CPEB4: variants seen among roughly 807,000 people sequenced by gnomAD.
CPEB4 encodes the protein cytoplasmic polyadenylation element binding protein 4, also known as cytoplasmic polyadenylation element-binding protein 4.
A neutral mutation model predicts 72.5 loss-of-function variants in CPEB4; 12 were observed. The observed-to-expected ratio is 0.17, with a 90% CI of 0.11 to 0.27. The LOEUF is 0.27. CPEB4 is among the 10% of genes least tolerant of loss of function. The pLI is 1.00. For missense variants in CPEB4, 614 were observed against 908.5 expected (o/e 0.68, Z 4.17); for synonymous variants, 302 against 326.3 (o/e 0.93, Z 0.80).
intron 1 of CPEB4, among the ~76,000 whole-genome samples, chr5:173,894,101 C>T (rs889893645): frequency 6.6e-6 from 1 of 152,096 alleles, no homozygotes; most frequent in Non-Finnish European, 1.5e-5. Flanking sequence ...TCAAGAGATC[C>T]TCCTGCCTCA....
chr5:173,958,840 GTGTT>G lies in CPEB4; in HGVS notation c.*2706_*2709del, dbSNP rs1561637007. 6.6e-6 allele frequency: 1 copy of G among 152,640 alleles called. No homozygotes were observed. Among genetic ancestry groups the G allele is most frequent in the Non-Finnish European group, 1.5e-5 (1 of 68,002 alleles). The allele number at this position is 152,640 out of a possible 1,614,324, so 9.5% of individuals were successfully genotyped here. A position where few individuals can be genotyped will look rare whatever the true frequency, so the allele number is the denominator to read the frequency against. ...TTTAATATTAATAAATTGATGTTAAGTGTTTGATTCAGAGATGTCTGCTCTTTTA... is the reference window on the plus strand; with the variant it reads ...TTTAATATTAATAAATTGATGTTAAGTGATTCAGAGATGTCTGCTCTTTTA... On this transcript the variant is annotated 3_prime_UTR_variant, in exon 10 of 10. Coordinates refer to ENST00000265085, the MANE Select transcript of CPEB4 (RefSeq NM_030627.4).
intron 2 of CPEB4, among the ~76,000 whole-genome samples, chr5:173,928,693 G>C (rs1344023884): frequency 6.6e-6 from 1 of 152,052 alleles, no homozygotes; most frequent in Non-Finnish European, 1.5e-5. Context: ...TATTAGAACA[G>C]AAATAAAGGA....
At chr5:173,941,198 C>G (rs906415301) in intron 3 of CPEB4, among the ~76,000 whole-genome samples, 2 of 152,174 alleles carry the variant, frequency 1.3e-5, no homozygotes, top group African/African-American at 4.8e-5. Flanking sequence ...TCCCCAGACT[C>G]CCTAATCTTT....
chr5:173,908,725 T>G (rs771467692), intron 1 of CPEB4, among the ~76,000 whole-genome samples: 10 of 152,178 alleles, frequency 6.6e-5, no homozygotes, highest in Non-Finnish European at 1.5e-4. Context: ...CTCTGTCAGC[T>G]TAGATGTTCT....
At chr5:173,920,607 A>G (rs1278777253) in intron 2 of CPEB4, among the ~76,000 whole-genome samples, 4 of 152,236 alleles carry the variant, frequency 2.6e-5, no homozygotes, top group African/African-American at 9.6e-5. Context: ...GGCCACTAGT[A>G]GTGCCTTAGA....
Position 173,959,130 on chromosome 5 carries a change from G to A in CPEB4, c.*2993G>A, listed in dbSNP as rs1252908834. 1 of 148,774 alleles carries A rather than the reference G, an allele frequency of 6.7e-6. No homozygotes were observed. Among genetic ancestry groups the A allele is most frequent in the Admixed American group, 6.7e-5 (1 of 14,946 alleles). The allele number at this position is 148,774 out of a possible 1,614,324, so 9.2% of individuals were successfully genotyped here. A position where few individuals can be genotyped will look rare whatever the true frequency, so the allele number is the denominator to read the frequency against. ...CATGTAACTCAAACATAATTAACAT[G>A]TAATTAGTTTACAGATTGTAGGGCA... On this transcript the variant is annotated 3_prime_UTR_variant, in exon 10 of 10. Transcript: ENST00000265085.
chr5:173,957,575 A>G lies in CPEB4; in HGVS notation c.*1438A>G, dbSNP rs1758419134. 6.5e-6 allele frequency: 1 copy of G among 152,802 alleles called. No homozygotes were observed. The allele number at this position is 152,802 out of a possible 1,614,324, so 9.5% of individuals were successfully genotyped here. A position where few individuals can be genotyped will look rare whatever the true frequency, so the allele number is the denominator to read the frequency against. Reference sequence around the variant, plus strand: ...AGTATGCTTCAGGGGTAAATTTAAAATAGTCTCTTGAAGCCCTAGTCATGG... The same window carrying G: ...AGTATGCTTCAGGGGTAAATTTAAAGTAGTCTCTTGAAGCCCTAGTCATGG... On this transcript the variant is annotated 3_prime_UTR_variant, in exon 10 of 10. Transcript: ENST00000265085.
chr5:173,905,765 T>A (rs956295404), intron 1 of CPEB4, among the ~76,000 whole-genome samples: 1 of 152,236 alleles, frequency 6.6e-6, no homozygotes, highest in Admixed American at 6.5e-5. Context: ...TATTTTTGGT[T>A]CCTGCCATAA....
chr5:173,911,255 T>C (rs1003042625), intron 2 of CPEB4, among the ~76,000 whole-genome samples: 2 of 151,328 alleles, frequency 1.3e-5, no homozygotes, highest in Non-Finnish European at 2.9e-5. Context: ...ATTCCATACA[T>C]GGGGTGCGGG....
chr5:173,938,012 T>C (rs1263762223), intron 3 of CPEB4, among the ~76,000 whole-genome samples: 1 of 152,254 alleles, frequency 6.6e-6, no homozygotes. Flanking sequence ...AATGGTTCTT[T>C]GCATCTTTGT....
intron 2 of CPEB4, among the ~76,000 whole-genome samples, chr5:173,927,339 C>T (rs75712904): frequency 6.6e-6 from 1 of 152,148 alleles, no homozygotes; most frequent in Non-Finnish European, 1.5e-5. Context: ...ACAGGACACT[C>T]AAGATGCCTA....
At chr5:173,946,121 T>A (rs1270651108) in intron 5 of CPEB4, among the ~76,000 whole-genome samples, 18 of 152,220 alleles carry the variant, frequency 1.2e-4, no homozygotes, top group Admixed American at 1.1e-3. Context: ...TTCTTCAAGA[T>A]GATTTATCTT....
intron 2 of CPEB4, among the ~76,000 whole-genome samples, chr5:173,914,473 T>A (rs1756789325): frequency 1.3e-5 from 2 of 152,278 alleles, no homozygotes; most frequent in Admixed American, 1.3e-4. Flanking sequence ...AAATTGACAT[T>A]AGCCAGGTGT....
intron 3 of CPEB4, among the ~76,000 whole-genome samples, chr5:173,938,410 T>C (rs549929662): frequency 2.6e-5 from 4 of 152,138 alleles, no homozygotes; most frequent in South Asian, 4.2e-4. Flanking sequence ...ATTTTTAGTA[T>C]AGACAGGGTT....
At chr5:173,909,438 C>T (rs1403977849) in intron 1 of CPEB4, among the ~76,000 whole-genome samples, 1 of 152,106 alleles carries the variant, frequency 6.6e-6, no homozygotes, top group Non-Finnish European at 1.5e-5. Context: ...CATCCTTCTC[C>T]TTAGAGAAAG....
chr5:173,893,022 TGTGTGTGTGTGTGTGA>T (rs1341797245), intron 1 of CPEB4: 1 of 145,550 alleles, frequency 6.9e-6, no homozygotes, highest in African/African-American at 2.6e-5. Flanking sequence ...TGTGTGTGTG[TGTGTGTGTGTGTGTGA>T]GAGAGAGAGA....
chr5:173,942,113 C>A (rs747081990), intron 3 of CPEB4, among the ~76,000 whole-genome samples: 1 of 152,222 alleles, frequency 6.6e-6, no homozygotes, highest in East Asian at 1.9e-4. Flanking sequence ...ATTCCTGTTA[C>A]ACCTACCACA....
intron 1 of CPEB4, among the ~76,000 whole-genome samples, chr5:173,904,808 T>G (rs374211556): frequency 2.6e-5 from 4 of 151,722 alleles, no homozygotes; most frequent in African/African-American, 9.7e-5. Flanking sequence ...TTTTTATTAT[T>G]AAAATAGGAG....
intron 1 of CPEB4, among the ~76,000 whole-genome samples, chr5:173,894,653 C>G (rs1441509930): frequency 2.0e-5 from 3 of 151,750 alleles, no homozygotes; most frequent in African/African-American, 7.3e-5. Flanking sequence ...AACATGCCTC[C>G]TGTGTTCTAA....
Sources: gnomAD v4.1 joint callset for allele counts (sites outside exome capture counted in the v4.1 genomes callset) on GRCh38, gnomAD v4.1.1 for gene constraint, MANE v1.5 for transcripts, NCBI Gene and HGNC (gene_info 2026-07-23, HGNC 2026-07-21) for gene names.